Variants in DNAH8 observed in about 807,000 individuals in gnomAD.
The protein encoded by DNAH8 is axonemal beta dynein heavy chain 8.
A neutral mutation model predicts 562.1 loss-of-function variants in DNAH8; 382 were observed. The observed-to-expected ratio is 0.68, with a 90% CI of 0.63 to 0.74. The LOEUF is 0.74. Among genes scored for constraint, DNAH8 ranks in the 30% least tolerant of loss-of-function variants. DNAH8 has a pLI of 0.00. For missense variants in DNAH8, 5,203 were observed against 5,620.4 expected, an observed-to-expected ratio of 0.93 and a Z score of 2.37; for synonymous variants, 1,881 against 1,919.4, an observed-to-expected ratio of 0.98 and a Z score of 0.52.
intron 88 of DNAH8, among the ~76,000 whole-genome samples, chr6:38,990,470 G>A (rs1256400344): frequency 1.3e-5 from 2 of 152,116 alleles, no homozygotes; most frequent in East Asian, 1.9e-4. Flanking sequence ...AGTGCTCTCC[G>A]CCGGCAGAAG....
At chr6:38,984,074 C>T (rs538906692) in intron 86 of DNAH8, 132 bp from the exon 87 acceptor site, 41 of 575,534 alleles carry the variant, frequency 7.1e-5, no homozygotes, top group South Asian at 1.5e-4. Context: ...TAATATAAGA[C>T]GATGAATAAT....
At position 38,786,874 on chromosome 6, in the gene DNAH8, G is replaced by A. The variant is rs2127649136; in HGVS notation, c.2505G>A (p.Met835Ile). 6.2e-7 allele frequency: 1 copy of A among 1,613,614 alleles called. No individual in the cohort carries two copies. Among genetic ancestry groups the A allele is most frequent in the Non-Finnish European group, 8.5e-7 (1 of 1,179,716 alleles). ...GGGAAACTAAGTGTATGATAAAAATGAAGTTGGATGTACCAGAACAGGCAA... is the reference window on the plus strand; with the variant it reads ...GGGAAACTAAGTGTATGATAAAAATAAAGTTGGATGTACCAGAACAGGCAA... The part of the protein sequence containing the change: ...VVRETKCMIK[M>I]KLDVPEQAKR... Residue 835 changes from methionine to isoleucine, a missense_variant, in exon 18 of 93, where the codon ATG becomes ATA. Met to Ile is a conservative substitution (Grantham distance 10). Coordinates refer to ENST00000327475, the MANE Select transcript of DNAH8 (RefSeq NM_001206927.2).
intron 91 of DNAH8, among the ~76,000 whole-genome samples, chr6:39,020,634 C>T (rs1467857161): frequency 6.6e-6 from 1 of 152,122 alleles, no homozygotes; most frequent in African/African-American, 2.4e-5. Flanking sequence ...GTTTTAAGCC[C>T]CGCATGCATC....
intron 82 of DNAH8, among the ~76,000 whole-genome samples, chr6:38,961,930 T>C (rs954022374): frequency 6.6e-6 from 1 of 151,784 alleles, no homozygotes; most frequent in African/African-American, 2.4e-5. Flanking sequence ...TAACAAAAAA[T>C]ACAAATGAAT....
At chr6:38,759,219 G>T (rs1230463050) in intron 10 of DNAH8, among the ~76,000 whole-genome samples, 1 of 151,954 alleles carries the variant, frequency 6.6e-6, no homozygotes, top group Non-Finnish European at 1.5e-5. Flanking sequence ...GAGGCAGGAG[G>T]ATCCCTTGAG....
chr6:38,952,815 T>C (rs1293483028), intron 82 of DNAH8, among the ~76,000 whole-genome samples: 2 of 152,236 alleles, frequency 1.3e-5, no homozygotes, highest in East Asian at 1.9e-4. Flanking sequence ...CCAGGTTCTA[T>C]TGGCAACTGC....
At chr6:38,823,449 C>A in intron 27 of DNAH8, 113 bp from the exon 28 acceptor site, 1 of 754,094 alleles carries the variant, frequency 1.3e-6, no homozygotes, top group Non-Finnish European at 2.2e-6. Context: ...CAGCCACTGG[C>A]CCCATTGCAC....
chr6:38,990,042 T>C lies in DNAH8; in HGVS notation c.13084T>C (p.Ser4362Pro), dbSNP rs745559263. 6.2e-7 allele frequency: 1 copy of C among 1,601,874 alleles called. No homozygotes were observed. Among genetic ancestry groups the C allele is most frequent in the South Asian group, 1.1e-5 (1 of 90,384 alleles). Residue 4362 changes from serine to proline, a missense_variant, in exon 88 of 93, where the codon TCA (serine) becomes CCA (proline). Coordinates refer to ENST00000327475, the MANE Select transcript of DNAH8 (RefSeq NM_001206927.2). The stretch of plus-strand genomic sequence containing the variant: ...GTTCAGTGAGAAGATGTTTGAACCG[T>C]CATTCTGCTTTTATACTGGATATAA... ...VWFSEKMFEP[S>P]FCFYTGYKIP...
intron 1 of DNAH8, chr6:38,716,821 C>T (rs1582807300): frequency 6.6e-6 from 1 of 152,174 alleles, no homozygotes; most frequent in East Asian, 1.9e-4. Flanking sequence ...TGGCTGTACC[C>T]AGCACACAGG....
At chr6:38,784,127 C>T (rs1009270200) in intron 17 of DNAH8, among the ~76,000 whole-genome samples, 5 of 152,252 alleles carry the variant, frequency 3.3e-5, no homozygotes, top group African/African-American at 1.2e-4. Flanking sequence ...TAACAGGAAC[C>T]GTAGGTAAGC....
At chr6:38,997,285 C>T (rs1461038769) in intron 88 of DNAH8, among the ~76,000 whole-genome samples, 2 of 152,162 alleles carry the variant, frequency 1.3e-5, no homozygotes, top group Non-Finnish European at 2.9e-5. Context: ...GACTTCTCTA[C>T]GCCCCTTGCT....
intron 69 of DNAH8, among the ~76,000 whole-genome samples, 172 bp from the exon 70 acceptor site, chr6:38,917,753 A>G (rs1281917661): frequency 6.6e-6 from 1 of 152,218 alleles, no homozygotes; most frequent in Non-Finnish European, 1.5e-5. Context: ...TGGAATCCAG[A>G]AGACAATTTG....
At chr6:38,805,727 A>G in intron 23 of DNAH8, 131 bp downstream of exon 23, 1 of 550,976 alleles carries the variant, frequency 1.8e-6, no homozygotes, top group South Asian at 2.2e-5. Context: ...AGAAAGTATA[A>G]TTTTCAATTT....
intron 23 of DNAH8, among the ~76,000 whole-genome samples, chr6:38,806,413 C>T (rs1358652253): frequency 6.6e-6 from 1 of 152,158 alleles, no homozygotes; most frequent in Non-Finnish European, 1.5e-5. Flanking sequence ...TTAGGCTTCT[C>T]AGTACCATGC....
chr6:38,901,438 A>G (rs7752004), intron 62 of DNAH8, among the ~76,000 whole-genome samples: 98,403 of 151,914 alleles, frequency 0.65, 32,909 homozygotes, highest in East Asian at 0.83. Flanking sequence ...TTATTAAAAA[A>G]GTCATCTTTT....
At chr6:38,962,241 G>A (rs1310468056) in intron 82 of DNAH8, among the ~76,000 whole-genome samples, 1 of 152,060 alleles carries the variant, frequency 6.6e-6, no homozygotes, top group African/African-American at 2.4e-5. Context: ...TTGAAGCCAA[G>A]TCTAATTGAA....
chr6:38,973,436 G>A (rs1221800217), intron 83 of DNAH8, among the ~76,000 whole-genome samples: 2 of 152,098 alleles, frequency 1.3e-5, no homozygotes, highest in Non-Finnish European at 2.9e-5. Context: ...TCTGAACCAG[G>A]GGTGGCAGAA....
chr6:38,861,476 A>G (rs558774651), intron 43 of DNAH8, among the ~76,000 whole-genome samples: 1 of 152,228 alleles, frequency 6.6e-6, no homozygotes, highest in South Asian at 2.1e-4. Flanking sequence ...ACTTTTCTAA[A>G]TGAGCGAATT....
chr6:38,789,837 A>G lies in DNAH8; in HGVS notation c.2618A>G (p.Glu873Gly). The G allele has an allele frequency of 6.8e-6, 11 of 1,613,330 alleles. No individual in the cohort carries two copies. The highest frequency in any genetic ancestry group is 9.3e-6 in the Non-Finnish European group (11 of 1,179,636). Residue 873 changes from glutamate to glycine, a missense_variant, in exon 19 of 93, where the codon GAA becomes GGA. This residue lies in a region of DNAH8 where 2,176 missense variants were observed against 2,365.1 expected (regional missense o/e 0.92). Coordinates refer to ENST00000327475, the MANE Select transcript of DNAH8 (RefSeq NM_001206927.2). ...LLQYYDELCQ[E>G]VPSVFVNLMT... ...CAATATTATGATGAGTTATGTCAGGAAGTGCCTTCTGTGTTTGTCAATCTG... is the reference window on the plus strand; with the variant it reads ...CAATATTATGATGAGTTATGTCAGGGAGTGCCTTCTGTGTTTGTCAATCTG...
Sources: allele counts gnomAD v4.1 joint callset (sites outside exome capture counted in the v4.1 genomes callset), GRCh38; gene constraint gnomAD v4.1.1; regional missense constraint gnomAD v4.1.1; transcripts MANE v1.5; gene names NCBI Gene and HGNC (gene_info 2026-07-23, HGNC 2026-07-21).